The following PTPRD variants were observed in gnomAD, a reference collection of about 807,000 sequenced individuals.
PTPRD encodes the protein receptor-type tyrosine-protein phosphatase delta.
A neutral mutation model predicts 214.5 loss-of-function variants in PTPRD; 34 were observed. The observed-to-expected ratio is 0.16, with a 90% CI of 0.12 to 0.21. The LOEUF (loss-of-function observed/expected upper bound fraction) is 0.21, where lower values mean the gene tolerates loss of function less well. PTPRD is among the 10% of genes least tolerant of loss of function. The pLI, the probability that PTPRD is intolerant of heterozygous loss-of-function variation, is 1.00. For synonymous variants in PTPRD, 1,128 were observed against 845.7 expected (o/e 1.33, Z -5.79); for missense variants, 2,545 against 2,398.7 (o/e 1.06, Z -1.27).
chr9:9,287,465 A>C (rs1424530259), intron 9 of PTPRD, among the ~76,000 whole-genome samples: 1 of 151,878 alleles, frequency 6.6e-6, no homozygotes, highest in African/African-American at 2.4e-5. Context: ...TTTTCTATCC[A>C]GCCAGACTTC....
chr9:9,781,255 G>A (rs549956379), intron 5 of PTPRD, among the ~76,000 whole-genome samples: 49 of 152,076 alleles, frequency 3.2e-4, no homozygotes, highest in African/African-American at 1.1e-3. Context: ...GTCAATAATG[G>A]GTTTAACTGA....
intron 39 of PTPRD, among the ~76,000 whole-genome samples, chr9:8,342,431 G>T (rs78359861): frequency 6.6e-6 from 1 of 152,020 alleles, no homozygotes; most frequent in African/African-American, 2.4e-5. Context: ...TGTTTTTACA[G>T]TCTCAAGCTA....
intron 11 of PTPRD, among the ~76,000 whole-genome samples, chr9:8,952,911 T>C (rs2099110709): frequency 1.3e-5 from 2 of 151,954 alleles, no homozygotes; most frequent in South Asian, 2.1e-4. Flanking sequence ...GAAGAATCAA[T>C]TGATCTTTCA....
intron 39 of PTPRD, among the ~76,000 whole-genome samples, chr9:8,351,806 C>T (rs1165045936): frequency 3.5e-5 from 5 of 142,008 alleles, no homozygotes; most frequent in Non-Finnish European, 7.5e-5. Context: ...GAGCCATGAT[C>T]ACTCCAGAAA....
chr9:9,948,790 G>C (rs961349432), intron 4 of PTPRD, among the ~76,000 whole-genome samples: 1 of 151,976 alleles, frequency 6.6e-6, no homozygotes, highest in African/African-American at 2.4e-5. Context: ...TATTATATTA[G>C]ATCTGATCTC....
intron 3 of PTPRD, among the ~76,000 whole-genome samples, chr9:10,255,258 G>A (rs1342896838): frequency 2.6e-5 from 4 of 152,146 alleles, no homozygotes; most frequent in Non-Finnish European, 4.4e-5. Context: ...GAACATCATA[G>A]AGTGCTTTTA....
chr9:9,103,347 A>T (rs973512539), intron 10 of PTPRD, among the ~76,000 whole-genome samples: 6 of 152,084 alleles, frequency 3.9e-5, no homozygotes, highest in Admixed American at 3.9e-4. Flanking sequence ...ATGATACTTT[A>T]TAAATGTCTC....
chr9:10,248,022 T>C (rs908811308), intron 3 of PTPRD, among the ~76,000 whole-genome samples: 24 of 151,952 alleles, frequency 1.6e-4, no homozygotes, highest in Non-Finnish European at 2.6e-4. Context: ...AAATGGGAGG[T>C]GCCCTGTGCA....
chr9:8,642,085 A>G (rs916821693), intron 12 of PTPRD, among the ~76,000 whole-genome samples: 32 of 152,366 alleles, frequency 2.1e-4, no homozygotes, highest in African/African-American at 6.3e-4. Context: ...TAACATCCAC[A>G]GATGAATGCA....
chr9:10,044,898 T>C (rs895473176), intron 3 of PTPRD, among the ~76,000 whole-genome samples: 1 of 151,714 alleles, frequency 6.6e-6, no homozygotes, highest in Admixed American at 6.6e-5. Context: ...TTCAATATTA[T>C]CTCTCCCTTT....
intron 2 of PTPRD, among the ~76,000 whole-genome samples, chr9:10,497,874 G>C (rs2042547016): frequency 6.6e-6 from 1 of 151,838 alleles, no homozygotes; most frequent in South Asian, 2.1e-4. Context: ...AGTATTAATA[G>C]TAAACAAAAT....
At chr9:8,439,905 T>G (rs930524549) in intron 34 of PTPRD, among the ~76,000 whole-genome samples, 2 of 150,736 alleles carry the variant, frequency 1.3e-5, no homozygotes, top group African/African-American at 4.9e-5. Context: ...ACATCAGATT[T>G]TACACATTTA....
intron 14 of PTPRD, among the ~76,000 whole-genome samples, chr9:8,591,171 C>A (rs919526414): frequency 2.0e-5 from 3 of 152,132 alleles, no homozygotes; most frequent in African/African-American, 7.2e-5. Context: ...GAATAATCTC[C>A]CTCACTTAAG....
chr9:9,396,698 T>C (rs1221403067), intron 9 of PTPRD, among the ~76,000 whole-genome samples: 1 of 152,042 alleles, frequency 6.6e-6, no homozygotes, highest in Non-Finnish European at 1.5e-5. Flanking sequence ...CATAACATTT[T>C]CCTTATCGCA....
chr9:8,900,813 A>C (rs987720113), intron 11 of PTPRD, among the ~76,000 whole-genome samples: 5 of 152,202 alleles, frequency 3.3e-5, no homozygotes, highest in African/African-American at 1.2e-4. Context: ...TTGTAAAACA[A>C]ATGCTTGGTT....
intron 10 of PTPRD, among the ~76,000 whole-genome samples, chr9:9,118,868 C>A (rs2099814829): frequency 6.6e-6 from 1 of 152,014 alleles, no homozygotes; most frequent in African/African-American, 2.4e-5. Context: ...AATAGAAACC[C>A]AACACTCCCA....
intron 14 of PTPRD, among the ~76,000 whole-genome samples, chr9:8,615,659 T>C (rs2095588125): frequency 6.6e-6 from 1 of 152,130 alleles, no homozygotes; most frequent in East Asian, 1.9e-4. Context: ...ATGGCACCTA[T>C]ATACACTCAG....
At position 10,610,717 on chromosome 9, in the gene PTPRD, G is replaced by T. The variant is rs142328360; in HGVS notation, c.-600+1681C>A. On this transcript the variant is annotated intron_variant, in intron 2 of 45. Coordinates refer to ENST00000381196, the MANE Select transcript of PTPRD (RefSeq NM_002839.4). Reference sequence around the variant, plus strand: ...GGATAAGAAATTAAATAATAATCAAGAAACAATGACACATCTTTCTCAAAT... The same window carrying T: ...GGATAAGAAATTAAATAATAATCAATAAACAATGACACATCTTTCTCAAAT... Among the ~76,000 whole-genome samples the T allele has an allele frequency of 2.8e-4, 42 of 152,046 alleles. No homozygotes were observed. In the East Asian group the frequency reaches 7.5e-3, roughly 27 times the overall value.
chr9:10,435,985 G>A (rs139659794), intron 2 of PTPRD, among the ~76,000 whole-genome samples: 27 of 151,834 alleles, frequency 1.8e-4, no homozygotes, highest in African/African-American at 6.5e-4. Context: ...ACACTGTACA[G>A]AGACAACGCA....
Sources: gnomAD v4.1 joint callset for allele counts (sites outside exome capture counted in the v4.1 genomes callset) on GRCh38, gnomAD v4.1.1 for gene constraint, MANE v1.5 for transcripts, NCBI Gene and HGNC (gene_info 2026-07-23, HGNC 2026-07-21) for gene names.